ESRRG: variants seen among roughly 807,000 people sequenced by gnomAD.
ESRRG encodes the protein estrogen related receptor gamma.
Under a neutral mutation model 44.0 loss-of-function variants are expected in ESRRG, and 13 were observed. The ratio of observed to expected loss-of-function variants is 0.30; its 90% CI spans 0.19 to 0.47. The LOEUF is 0.47. Ranked by LOEUF, ESRRG falls within the 20% of genes least tolerant of loss-of-function variation. The probability of loss-of-function intolerance (pLI) is 1.00; values close to 1 mark genes in which losing one functional copy is unlikely to be tolerated. For synonymous variants in ESRRG, 215 were observed against 214.6 expected (o/e 1.00, Z -0.02); for missense variants, 395 against 580.6 (o/e 0.68, Z 3.29).
chr1:216,902,765 C>T (rs753273081), intron 2 of ESRRG, among the ~76,000 whole-genome samples: 6 of 152,196 alleles, frequency 3.9e-5, no homozygotes, highest in Non-Finnish European at 7.3e-5. Flanking sequence ...AAACGACACT[C>T]AGTTCCTAGG....
intron 2 of ESRRG, among the ~76,000 whole-genome samples, chr1:216,800,172 C>T (rs930257576): frequency 1.3e-5 from 2 of 152,154 alleles, no homozygotes; most frequent in Non-Finnish European, 2.9e-5. Context: ...CACCTCTCAA[C>T]ACAGCTGTCT....
intron 2 of ESRRG, among the ~76,000 whole-genome samples, chr1:216,777,931 A>T (rs1388569935): frequency 1.3e-5 from 2 of 152,112 alleles, no homozygotes; most frequent in Non-Finnish European, 2.9e-5. Context: ...TGCTATCAAC[A>T]GTCAAACCTA....
At chr1:216,973,533 G>T (rs115887263) in intron 1 of ESRRG, among the ~76,000 whole-genome samples, 2,998 of 152,202 alleles carry the variant, frequency 0.02, 89 homozygotes, top group African/African-American at 0.063. Context: ...TTAAAGGATG[G>T]CTTTAACATC....
chr1:216,604,338 C>T (rs891508109), intron 3 of ESRRG, among the ~76,000 whole-genome samples: 3 of 152,140 alleles, frequency 2.0e-5, no homozygotes, highest in Non-Finnish European at 4.4e-5. Context: ...GGAGTCAAAG[C>T]CAGTGGCCAG....
chr1:216,508,641 T>C (rs2041874145), intron 6 of ESRRG, among the ~76,000 whole-genome samples: 2 of 152,208 alleles, frequency 1.3e-5, no homozygotes, highest in African/African-American at 4.8e-5. Context: ...CTCATCCACC[T>C]CCTATGGTGC....
In ESRRG at chr1:216,672,060, AGGAG is replaced by A. The variant is rs372678087; in HGVS notation, c.472+5012_472+5015del. Among the ~76,000 whole-genome samples the A allele has an allele frequency of 1.6e-3, 236 of 151,750 alleles. 2 individuals are homozygous for A. Among genetic ancestry groups the A allele is most frequent in the African/African-American group, 5.3e-3 (220 of 41,450 alleles). On this transcript the variant is annotated intron_variant, in intron 2 of 6. Coordinates refer to ENST00000408911, the MANE Select transcript of ESRRG (RefSeq NM_001438.4). ...AAGGAAAGAAAGAAGGAAGGAAGGA[AGGAG>A]GGAAAGAAGGCAGACTCCAATCATT...
At chr1:216,679,037 A>G (rs971995585) in intron 1 of ESRRG, among the ~76,000 whole-genome samples, 1 of 152,196 alleles carries the variant, frequency 6.6e-6, no homozygotes, top group Admixed American at 6.5e-5. Context: ...TTGAGGCAAG[A>G]TTTGCCTCTT....
chr1:216,562,000 C>A (rs2058835832), intron 5 of ESRRG, among the ~76,000 whole-genome samples: 1 of 152,164 alleles, frequency 6.6e-6, no homozygotes, highest in South Asian at 2.1e-4. Flanking sequence ...GTCACTAGAG[C>A]CCCTTTACTG....
At chr1:216,687,314 T>A (rs1026208067) in intron 1 of ESRRG, among the ~76,000 whole-genome samples, 26 of 152,082 alleles carry the variant, frequency 1.7e-4, no homozygotes, top group Non-Finnish European at 1.5e-5. Flanking sequence ...CTGCAATCAG[T>A]GTTTAAGTGA....
intron 1 of ESRRG, among the ~76,000 whole-genome samples, chr1:216,684,582 T>A (rs1258879335): frequency 6.6e-6 from 1 of 152,226 alleles, no homozygotes; most frequent in Non-Finnish European, 1.5e-5. Flanking sequence ...TGGGCACTCA[T>A]GTAATATAGA....
chr1:216,509,929 T>C (rs1005428089), intron 6 of ESRRG, among the ~76,000 whole-genome samples: 1 of 152,198 alleles, frequency 6.6e-6, no homozygotes, highest in Admixed American at 6.5e-5. Context: ...TTGGTTAAAT[T>C]TACACGTTGA....
intron 1 of ESRRG, among the ~76,000 whole-genome samples, chr1:216,717,983 T>A (rs2085281151): frequency 6.6e-6 from 1 of 151,878 alleles, no homozygotes; most frequent in African/African-American, 2.4e-5. Flanking sequence ...ATACATTTAA[T>A]ATCAGTAGTT....
intron 2 of ESRRG, among the ~76,000 whole-genome samples, chr1:216,891,323 A>G (rs1008136612): frequency 2.0e-5 from 3 of 152,244 alleles, no homozygotes; most frequent in African/African-American, 7.2e-5. Flanking sequence ...GCTTATTACA[A>G]TCAATCCTGT....
At chr1:216,968,880 C>T (rs992369412) in intron 1 of ESRRG, among the ~76,000 whole-genome samples, 3 of 152,000 alleles carry the variant, frequency 2.0e-5, no homozygotes, top group African/African-American at 4.8e-5. Context: ...ATTTAGTTAT[C>T]CTTTAACTAG....
chr1:216,864,076 G>T (rs2096101307), intron 2 of ESRRG: 1 of 152,196 alleles, frequency 6.6e-6, no homozygotes, highest in Non-Finnish European at 1.5e-5. Context: ...CATAAAATTG[G>T]AGAGACAGAA....
At chr1:216,524,245 G>T (rs2046970433) in intron 5 of ESRRG, among the ~76,000 whole-genome samples, 1 of 123,424 alleles carries the variant, frequency 8.1e-6, no homozygotes, top group African/African-American at 3.3e-5. Flanking sequence ...ATATATATAT[G>T]TAAGTTATAT....
chr1:216,576,471 T>C (rs1389873976), intron 3 of ESRRG, among the ~76,000 whole-genome samples: 2 of 152,004 alleles, frequency 1.3e-5, no homozygotes, highest in Non-Finnish European at 2.9e-5. Context: ...TCCTGATAGC[T>C]ATCTGGACTA....
chr1:216,580,280 T>C (rs778765622), intron 3 of ESRRG, among the ~76,000 whole-genome samples: 9 of 152,224 alleles, frequency 5.9e-5, no homozygotes, highest in Admixed American at 1.3e-4. Flanking sequence ...AATATGAACC[T>C]CTTGTCAATT....
chr1:216,529,817 T>A (rs761320384), intron 5 of ESRRG, among the ~76,000 whole-genome samples: 3 of 152,016 alleles, frequency 2.0e-5, no homozygotes, highest in African/African-American at 2.4e-5. Flanking sequence ...AATTTATAAT[T>A]AGTGACTTAG....
Sources: allele counts gnomAD v4.1 joint callset (sites outside exome capture counted in the v4.1 genomes callset), GRCh38; gene constraint gnomAD v4.1.1; transcripts MANE v1.5; gene names NCBI Gene and HGNC (gene_info 2026-07-23, HGNC 2026-07-21).